The following MKLN1 variants were observed in gnomAD, a reference collection of about 807,000 sequenced individuals.
The protein encoded by MKLN1 is muskelin 1.
A neutral mutation model predicts 99.0 loss-of-function variants in MKLN1; 18 were observed. The ratio of observed to expected loss-of-function variants is 0.18; its 90% CI spans 0.13 to 0.27. MKLN1 has a LOEUF of 0.27. Among genes scored for constraint, MKLN1 ranks in the 10% least tolerant of loss-of-function variants. The pLI, the probability that MKLN1 is intolerant of heterozygous loss-of-function variation, is 1.00. For synonymous variants in MKLN1, 288 were observed against 293.2 expected, an observed-to-expected ratio of 0.98 and a Z score of 0.18; for missense variants, 621 against 875.9, an observed-to-expected ratio of 0.71 and a Z score of 3.67.
intron 11 of MKLN1, among the ~76,000 whole-genome samples, chr7:131,444,255 T>C (rs1795929045): frequency 6.6e-6 from 1 of 151,636 alleles, no homozygotes; most frequent in Admixed American, 6.6e-5. Context: ...GTAGCTGGGA[T>C]TACAGGCATG....
intron 1 of MKLN1, among the ~76,000 whole-genome samples, chr7:131,141,286 C>A (rs182291710): frequency 6.6e-6 from 1 of 152,202 alleles, no homozygotes; most frequent in Non-Finnish European, 1.5e-5. Flanking sequence ...CATCACAAAA[C>A]AAACACGTCA....
chr7:131,348,735 C>G (rs1207742136), intron 1 of MKLN1, among the ~76,000 whole-genome samples: 2 of 152,034 alleles, frequency 1.3e-5, no homozygotes, highest in African/African-American at 2.4e-5. Flanking sequence ...GACCTGTCAT[C>G]CTTAGTACAG....
chr7:131,251,802 C>T (rs552382138), intron 3 of MKLN1, among the ~76,000 whole-genome samples: 19 of 151,844 alleles, frequency 1.3e-4, no homozygotes, highest in East Asian at 9.7e-4. Context: ...CCCAAGTAGC[C>T]GGGACTACAG....
At chr7:131,122,788 G>A (rs565032617) in intron 1 of MKLN1, among the ~76,000 whole-genome samples, 57 of 152,066 alleles carry the variant, frequency 3.7e-4, no homozygotes, top group Middle Eastern at 6.8e-3. Context: ...TTGAGAGGCC[G>A]AGGCGGGCGG....
At chr7:131,395,069 A>C (rs1794318187) in intron 4 of MKLN1, among the ~76,000 whole-genome samples, 1 of 152,116 alleles carries the variant, frequency 6.6e-6, no homozygotes, top group Non-Finnish European at 1.5e-5. Flanking sequence ...GGAATCAGTT[A>C]AGCTCACAGT....
chr7:131,435,556 A>G (rs1253327354), intron 9 of MKLN1, among the ~76,000 whole-genome samples: 4 of 151,270 alleles, frequency 2.6e-5, no homozygotes, highest in East Asian at 3.9e-4. Context: ...TATGTGGGCA[A>G]TTATGAATTC....
chr7:131,164,065 G>A (rs1468420133), intron 2 of MKLN1, among the ~76,000 whole-genome samples: 4 of 152,150 alleles, frequency 2.6e-5, no homozygotes, highest in Admixed American at 2.6e-4. Context: ...GGCTAAAAAT[G>A]TTGCTAAGAG....
intron 3 of MKLN1, among the ~76,000 whole-genome samples, chr7:131,275,558 T>C (rs1797953416): frequency 3.5e-5 from 1 of 28,182 alleles, no homozygotes; most frequent in Admixed American, 3.9e-4. Context: ...TATATATATA[T>C]ATATATATAT....
chr7:131,429,805 C>A (rs566448174), intron 9 of MKLN1, among the ~76,000 whole-genome samples: 2 of 152,302 alleles, frequency 1.3e-5, no homozygotes, highest in East Asian at 3.9e-4. Context: ...TGGTCTCGAT[C>A]TCCTGACCTC....
intron 2 of MKLN1, among the ~76,000 whole-genome samples, chr7:131,181,162 A>G (rs1796372582): frequency 2.0e-5 from 3 of 152,210 alleles, no homozygotes; most frequent in Admixed American, 2.0e-4. Context: ...AATGATAATA[A>G]TTAATGTTAA....
At chr7:131,160,532 A>ATTT (rs869187375) in intron 2 of MKLN1, among the ~76,000 whole-genome samples, 2 of 123,026 alleles carry the variant, frequency 1.6e-5, no homozygotes, top group East Asian at 4.4e-4. Context: ...TATTATTATT[A>ATTT]TTTTGAGACA....
At chr7:131,390,018 C>T (rs924898455) in intron 4 of MKLN1, among the ~76,000 whole-genome samples, 1 of 152,070 alleles carries the variant, frequency 6.6e-6, no homozygotes, top group African/African-American at 2.4e-5. Flanking sequence ...CCAGAGTCCA[C>T]ATTTTGATTT....
chr7:131,173,977 T>C (rs554732636), intron 2 of MKLN1, among the ~76,000 whole-genome samples: 6 of 145,540 alleles, frequency 4.1e-5, no homozygotes, highest in Non-Finnish European at 7.6e-5. Context: ...TCTTTTTCTT[T>C]TTTTTTTTTT....
chr7:131,462,275 C>G (rs1401123309), intron 12 of MKLN1, among the ~76,000 whole-genome samples: 1 of 152,124 alleles, frequency 6.6e-6, no homozygotes, highest in Non-Finnish European at 1.5e-5. Flanking sequence ...TATGATCCTC[C>G]CACCTTGACC....
At chr7:131,139,708 G>GT (rs1795703221) in intron 1 of MKLN1, among the ~76,000 whole-genome samples, 1 of 152,176 alleles carries the variant, frequency 6.6e-6, no homozygotes, top group Non-Finnish European at 1.5e-5. Context: ...TCAGAGTTCA[G>GT]GTACACATTC....
intron 2 of MKLN1, among the ~76,000 whole-genome samples, chr7:131,161,963 GTATATATATATA>G (rs71168374): frequency 0.23 from 24,985 of 109,058 alleles, 2,434 homozygotes; most frequent in East Asian, 0.35. Flanking sequence ...GTGTGTGTGT[GTATATATATATA>G]TATATATATA....
At chr7:131,115,822 C>T (rs372038875) in intron 1 of MKLN1, among the ~76,000 whole-genome samples, 11 of 152,132 alleles carry the variant, frequency 7.2e-5, no homozygotes, top group African/African-American at 2.7e-4. Flanking sequence ...TATATGTCAC[C>T]TCCTCAAAGA....
chr7:131,376,095 A>AATATATATATATATAT (rs60323728), intron 2 of MKLN1, among the ~76,000 whole-genome samples: 97 of 107,958 alleles, frequency 9.0e-4, no homozygotes, highest in Non-Finnish European at 1.4e-3. Context: ...AATTCATGGA[A>AATATATATATATATAT]ATATATATAT....
chr7:131,462,174 T>C (rs1241612728), intron 12 of MKLN1, among the ~76,000 whole-genome samples: 1 of 152,002 alleles, frequency 6.6e-6, no homozygotes, highest in Non-Finnish European at 1.5e-5. Context: ...TAGAACTACA[T>C]GTGCACACCA....
Sources: gnomAD v4.1 joint callset for allele counts (sites outside exome capture counted in the v4.1 genomes callset) on GRCh38, gnomAD v4.1.1 for gene constraint, MANE v1.5 for transcripts, NCBI Gene and HGNC (gene_info 2026-07-23, HGNC 2026-07-21) for gene names.